Variants in HOOK2 observed in about 807,000 individuals in gnomAD.
The protein encoded by HOOK2 is protein Hook homolog 2.
In HOOK2, 108 loss-of-function variants were observed where a neutral mutation model predicts 111.9. The observed-to-expected ratio is 0.96, with a 90% confidence interval of 0.83 to 1.13. The LOEUF is 1.13. Among genes scored for constraint, HOOK2 ranks in the 50% most tolerant of loss-of-function variants. The probability of loss-of-function intolerance (pLI) is 0.00; values close to 1 mark genes in which losing one functional copy is unlikely to be tolerated. For synonymous variants in HOOK2, 405 were observed against 394.3 expected (o/e 1.03, Z -0.32); for missense variants, 978 against 951.3 (o/e 1.03, Z -0.37).
chr19:12,784,073 G>T (rs778299094), intron 3 of HOOK2, among the ~76,000 whole-genome samples: 1 of 152,212 alleles, frequency 6.6e-6, no homozygotes, highest in East Asian at 1.9e-4. Flanking sequence ...CGGGTGGCCC[G>T]AGGGAGGGGA....
At position 12,764,884 on chromosome 19, in the gene HOOK2, A is replaced by C; in HGVS notation, c.1757T>G (p.Leu586Trp). 1 of 1,614,128 alleles carries C rather than the reference A, an allele frequency of 6.2e-7. No individual in the cohort carries two copies. The highest frequency in any genetic ancestry group is 1.1e-5 in the South Asian group (1 of 91,078). The change falls in exon 20 of 23, where the codon TTG becomes TGG. Residue 586 changes from leucine to tryptophan, a missense_variant. By Grantham distance (61) the Leu-to-Trp change is moderately conservative (BLOSUM62 -2). Coordinates refer to ENST00000397668, the MANE Select transcript of HOOK2 (RefSeq NM_013312.3). ...CCGCAAGTCCGCGTCCTTCTTCTGC[A>C]AGTTATGCTGCAGCTCCTCGATCCG... is the stretch of plus-strand genomic sequence containing the variant. ...ARRIEELQHNLQKKDADLRAM... is the reference protein window; with the variant it reads ...ARRIEELQHNWQKKDADLRAM...
At chr19:12,775,285 G>A in intron 1 of HOOK2, 120 bp downstream of exon 1, 1 of 1,486,040 alleles carries the variant, frequency 6.7e-7, no homozygotes, top group Non-Finnish European at 8.9e-7. Context: ...CAACGGTCCA[G>A]CAAGTCGACG....
rs202088559 is a variant in HOOK2, at chr19:12,765,945, C to G, written c.1581G>C (p.Gln527His). ...VEDLQKALQE[Q>H]GGKTEDAISI... is the part of the protein sequence containing the mutation. ...CACTCACATCTTCAGTCTTGCCCCCCTGCTCCTGCAGGGCTTTCTGCAGGT... is the reference window on the plus strand; with the variant it reads ...CACTCACATCTTCAGTCTTGCCCCCGTGCTCCTGCAGGGCTTTCTGCAGGT... Residue 527 changes from glutamine to histidine, a missense_variant, in exon 16 of 23, where the codon CAG becomes CAC. By Grantham distance (24) the Gln-to-His change is conservative. Coordinates refer to ENST00000397668, the MANE Select transcript of HOOK2 (RefSeq NM_013312.3). 172 of 1,613,986 alleles carry G rather than the reference C, an allele frequency of 1.1e-4. No homozygotes were observed. Among genetic ancestry groups the G allele is most frequent in the Admixed American group, 6.0e-4 (36 of 60,002 alleles).
At chr19:12,782,645 C>G (rs556278595), upstream of HOOK2, among the ~76,000 whole-genome samples, 40 of 152,176 alleles carry the variant, frequency 2.6e-4, no homozygotes, top group Admixed American at 7.2e-4. Flanking sequence ...TCTGCACTGG[C>G]TGCGTGCGCG....
chr19:12,776,618 G>A (rs950893694), upstream of HOOK2, among the ~76,000 whole-genome samples: 1 of 149,150 alleles, frequency 6.7e-6, no homozygotes, highest in South Asian at 2.1e-4. Context: ...GGCGGAGGTT[G>A]CAGTCAGCCG....
In HOOK2 at chr19:12,786,885, C is replaced by T. The variant is rs187687247; in HGVS notation, n.42-12660G>A. On this transcript the variant is annotated intron_variant and non_coding_transcript_variant, in intron 3 of 3. Transcript: ENST00000589765. This position sits in a 1 kb window ranked among gnomAD's most constrained non-coding sequence, Gnocchi z 4.3. ...TTCTCCCCCAATTAAAGGAGACCCT[C>T]AGTGGGGTGCGGTGGCTCACACCTG... 4.2e-3 allele frequency among the ~76,000 whole-genome samples: 645 copies of T among 152,300 alleles called. 19 individuals carry two copies. The highest frequency in any genetic ancestry group is 3.4e-3 in the Middle Eastern group (1 of 294).
intron 1 of HOOK2, chr19:12,775,169 A>G (rs1183924140): frequency 2.0e-6 from 2 of 983,930 alleles, no homozygotes; most frequent in African/African-American, 3.5e-5. Context: ...AGGCCAATTC[A>G]CCTGTGTCCT....
At position 12,766,240 on chromosome 19, in the gene HOOK2, C is replaced by G. The variant is rs1968141741; in HGVS notation, c.1374G>C (p.Arg458Ser). 4.5e-6 allele frequency: 7 copies of G among 1,572,404 alleles called. No individual in the cohort carries two copies. Among genetic ancestry groups the G allele is most frequent in the Non-Finnish European group, 6.0e-6 (7 of 1,165,904 alleles). ...CCAGCTGAAGCCGCAGGAGCGTCTC[C>G]CTGCAGACCCGGGAGGAGAGAGCAG... ...LAAEILPAEL[R>S]ETLLRLQLEN... The change falls in exon 15 of 23, where the codon AGG becomes AGC. Residue 458 changes from arginine to serine, a missense_variant and splice_region_variant. By Grantham distance (110) the Arg-to-Ser change is moderately radical (BLOSUM62 -1). Around this residue, in one of 5 missense-constraint regions of HOOK2, gnomAD observed 388 missense variants for 358.3 expected, o/e 1.08. Coordinates refer to ENST00000397668, the MANE Select transcript of HOOK2 (RefSeq NM_013312.3).
chr19:12,787,656 TA>T (rs1249029300), intron 3 of HOOK2, among the ~76,000 whole-genome samples: 2 of 146,064 alleles, frequency 1.4e-5, no homozygotes, highest in Non-Finnish European at 3.0e-5. Context: ...AAACAAACAA[TA>T]AAAAAAAACT....
chr19:12,767,811 C>G lies in HOOK2; in HGVS notation c.1303+5G>C. On this transcript the variant is annotated splice_donor_5th_base_variant and intron_variant, in intron 13 of 22. Transcript: ENST00000397668. ...GTAAGACCCCGGGATGGGGCTTCAT[C>G]TCACCGGCCTGGGTCAACCCCCGCG... 5.6e-6 allele frequency: 9 copies of G among 1,600,756 alleles called. No individual in the cohort carries two copies. Among genetic ancestry groups the G allele is most frequent in the Non-Finnish European group, 7.6e-6 (9 of 1,179,564 alleles).
chr19:12,770,708 G>C (rs73925209), intron 10 of HOOK2, among the ~76,000 whole-genome samples: 2,582 of 144,038 alleles, frequency 0.018, 68 homozygotes, highest in African/African-American at 0.062. Context: ...GTGGGATAAG[G>C]GGGGGGCAGT....
intron 3 of HOOK2, among the ~76,000 whole-genome samples, chr19:12,787,655 A>G (rs888801893): frequency 1.6e-4 from 25 of 151,796 alleles, no homozygotes; most frequent in African/African-American, 5.8e-4. Context: ...AAAACAAACA[A>G]TAAAAAAAAA....
rs1162515602 is a variant in HOOK2, at chr19:12,767,270, C to T, written c.1373+125G>A. Reference sequence around the variant, plus strand: ...TCAGGAGTAAGTGGGCCTAGGAGCCCGGCTGGCACCTGGAGCTGAGACCAA... The same window carrying T: ...TCAGGAGTAAGTGGGCCTAGGAGCCTGGCTGGCACCTGGAGCTGAGACCAA... On this transcript the variant is annotated intron_variant, in intron 14 of 22. Transcript: ENST00000397668. The T allele has an allele frequency of 5.3e-6, 4 of 749,518 alleles. No individual in the cohort carries two copies. The Admixed American group carries it at 6.6e-5, about 12-fold the overall frequency. 46.4% of individuals were successfully genotyped at this position (749,518 alleles called of 1,614,324 possible).
chr19:12,779,845 C>T (rs1481612129), upstream of HOOK2, among the ~76,000 whole-genome samples: 1 of 152,178 alleles, frequency 6.6e-6, no homozygotes, highest in Non-Finnish European at 1.5e-5. Context: ...CGGTAACATC[C>T]TTGTCCGTAA....
upstream of HOOK2, chr19:12,778,414 T>G (rs992470889): frequency 6.6e-6 from 1 of 152,192 alleles, no homozygotes; most frequent in Non-Finnish European, 1.5e-5. Context: ...CTCCAGCCCC[T>G]GGGAGCGGGT....
intron 10 of HOOK2, among the ~76,000 whole-genome samples, chr19:12,770,651 G>C (rs935581673): frequency 6.9e-6 from 1 of 144,922 alleles, no homozygotes; most frequent in African/African-American, 2.6e-5. Flanking sequence ...GGAGGTTCTT[G>C]TGTTTTGGGG....
At chr19:12,778,459 C>T (rs552410457), upstream of HOOK2, 1 of 152,274 alleles carries the variant, frequency 6.6e-6, no homozygotes, top group East Asian at 1.9e-4. Context: ...CAAGGGCCGG[C>T]AGCGCTGGCT....
chr19:12,764,774 G>A, intron 20 of HOOK2, 40 bp downstream of exon 20: 1 of 1,576,522 alleles, frequency 6.3e-7, no homozygotes, highest in Non-Finnish European at 8.7e-7. Flanking sequence ...AAAGTAAGAA[G>A]CCAGGGCAGG....
In HOOK2 at chr19:12,763,754, G is replaced by T. The variant is rs1351798076; in HGVS notation, c.1852C>A (p.Gln618Lys). 1.9e-6 allele frequency: 3 copies of T among 1,614,070 alleles called. No individual in the cohort carries two copies. Among genetic ancestry groups the T allele is most frequent in the Non-Finnish European group, 2.5e-6 (3 of 1,180,036 alleles). The change falls in exon 21 of 23, where the codon CAG becomes AAG. Residue 618 changes from glutamine (Q) to lysine (K), a missense_variant. Gln to Lys is a moderately conservative substitution (Grantham distance 53). This residue lies in a region of HOOK2 where 277 missense variants were observed against 265.8 expected (regional missense o/e 1.04). Transcript: ENST00000397668. Reference sequence around the variant, plus strand: ...GGAGGTGCCCCCGCAGCTGGCCGCTGCTTGGGTTCCATGGTCTGCATGACC... The same window carrying T: ...GGAGGTGCCCCCGCAGCTGGCCGCTTCTTGGGTTCCATGGTCTGCATGACC... ...RMVMQTMEPK[Q>K]RPAAGAPPEL...
Sources: allele counts gnomAD v4.1 joint callset (sites outside exome capture counted in the v4.1 genomes callset), GRCh38; gene constraint gnomAD v4.1.1; regional missense constraint gnomAD v4.1.1; non-coding constraint Gnocchi (gnomAD v3.1); transcripts MANE v1.5; gene names NCBI Gene and HGNC (gene_info 2026-07-23, HGNC 2026-07-21).